PTPRD: variants seen among roughly 807,000 people sequenced by gnomAD.
PTPRD encodes the protein receptor-type tyrosine-protein phosphatase delta.
PTPRD carries 34 observed loss-of-function variants against 214.5 expected under a neutral mutation model. That is an observed-to-expected ratio of 0.16 (90% CI 0.12 to 0.21). PTPRD has a LOEUF of 0.21. Ranked by LOEUF, PTPRD falls within the 10% of genes least tolerant of loss-of-function variation. The pLI is 1.00. For synonymous variants in PTPRD, 1,128 were observed against 845.7 expected, an observed-to-expected ratio of 1.33 and a Z score of -5.79; for missense variants, 2,545 against 2,398.7, an observed-to-expected ratio of 1.06 and a Z score of -1.27.
At chr9:9,605,724 C>A (rs904705736) in intron 7 of PTPRD, among the ~76,000 whole-genome samples, 1 of 152,030 alleles carries the variant, frequency 6.6e-6, no homozygotes, top group Non-Finnish European at 1.5e-5. Context: ...AGGGCAACAA[C>A]TAGATTTGAA....
intron 9 of PTPRD, among the ~76,000 whole-genome samples, chr9:9,246,682 A>C (rs2099973195): frequency 6.6e-6 from 1 of 152,028 alleles, no homozygotes; most frequent in Non-Finnish European, 1.5e-5. Flanking sequence ...CTTTGGAGTA[A>C]GCCCACCGGC....
At chr9:9,684,265 C>T (rs1341224331) in intron 7 of PTPRD, among the ~76,000 whole-genome samples, 1 of 151,650 alleles carries the variant, frequency 6.6e-6, no homozygotes, top group East Asian at 1.9e-4. Flanking sequence ...GTAATCTAAC[C>T]TTATTCAACA....
chr9:9,072,261 G>A (rs537695687), intron 10 of PTPRD, among the ~76,000 whole-genome samples: 7 of 139,394 alleles, frequency 5.0e-5, no homozygotes, highest in Non-Finnish European at 7.8e-5. Context: ...TCTTTCTCAC[G>A]AACAAAGAGC....
intron 39 of PTPRD, among the ~76,000 whole-genome samples, chr9:8,343,856 G>C (rs34398376): frequency 6.6e-6 from 1 of 151,990 alleles, no homozygotes; most frequent in South Asian, 2.1e-4. Context: ...TGAGCAGCCC[G>C]TCCCGGTAAG....
intron 3 of PTPRD, among the ~76,000 whole-genome samples, chr9:10,056,467 A>G (rs1016109945): frequency 6.6e-6 from 1 of 152,090 alleles, no homozygotes; most frequent in Non-Finnish European, 1.5e-5. Flanking sequence ...TATTGAATAA[A>G]GAAGTCAGTC....
intron 2 of PTPRD, among the ~76,000 whole-genome samples, chr9:10,531,096 C>A (rs1042020775): frequency 2.0e-5 from 3 of 151,784 alleles, no homozygotes; most frequent in African/African-American, 4.8e-5. Flanking sequence ...ATTGCAGGTG[C>A]AAGCCACCAC....
intron 4 of PTPRD, among the ~76,000 whole-genome samples, chr9:9,942,962 T>A (rs539976426): frequency 2.0e-5 from 3 of 148,994 alleles, no homozygotes; most frequent in Non-Finnish European, 3.0e-5. Context: ...AAACTGAAAA[T>A]CACAAAGCGG....
chr9:9,862,424 A>T (rs1252678527), intron 5 of PTPRD, among the ~76,000 whole-genome samples: 1 of 152,262 alleles, frequency 6.6e-6, no homozygotes, highest in Non-Finnish European at 1.5e-5. Context: ...AAGTGTCAGT[A>T]GTTCTTCAAG....
intron 42 of PTPRD, 107 bp from the exon 43 acceptor site, chr9:8,339,154 A>T: frequency 8.1e-7 from 1 of 1,230,002 alleles, no homozygotes; most frequent in Non-Finnish European, 1.1e-6. Flanking sequence ...CCATTAATAA[A>T]ATTTCAAAAT....
chr9:9,791,082 C>G (rs894794501), intron 5 of PTPRD, among the ~76,000 whole-genome samples: 4 of 152,028 alleles, frequency 2.6e-5, no homozygotes, highest in African/African-American at 9.7e-5. Flanking sequence ...AATTTCTACT[C>G]TAGTAAAATT....
intron 33 of PTPRD, among the ~76,000 whole-genome samples, chr9:8,450,381 T>G (rs10977113): frequency 0.48 from 72,505 of 151,962 alleles, 19,876 homozygotes; most frequent in East Asian, 0.75. Flanking sequence ...GTTATCCTAA[T>G]GCCTAGGATA....
chr9:9,018,516 T>A (rs2099545820), intron 11 of PTPRD, among the ~76,000 whole-genome samples, 181 bp downstream of exon 11: 1 of 152,224 alleles, frequency 6.6e-6, no homozygotes, highest in Admixed American at 6.5e-5. Flanking sequence ...AATTTATGTA[T>A]ATTTTTTAAG....
At chr9:10,093,224 A>T (rs1188176655) in intron 3 of PTPRD, among the ~76,000 whole-genome samples, 1 of 151,680 alleles carries the variant, frequency 6.6e-6, no homozygotes, top group Non-Finnish European at 1.5e-5. Context: ...AAAATCTGGA[A>T]TCTACAAGAA....
chr9:9,158,841 A>G (rs2099883666), intron 10 of PTPRD, among the ~76,000 whole-genome samples: 1 of 152,192 alleles, frequency 6.6e-6, no homozygotes, highest in Non-Finnish European at 1.5e-5. Flanking sequence ...TCAACAACAC[A>G]TTAAAATAAT....
intron 10 of PTPRD, among the ~76,000 whole-genome samples, chr9:9,046,742 G>A (rs1779282070): frequency 6.6e-6 from 1 of 152,090 alleles, no homozygotes. Flanking sequence ...AGCAACCATA[G>A]GCAATACATA....
intron 3 of PTPRD, among the ~76,000 whole-genome samples, chr9:10,096,717 T>C (rs1203005480): frequency 6.6e-6 from 1 of 152,094 alleles, no homozygotes; most frequent in Non-Finnish European, 1.5e-5. Context: ...GTAGTTTCTT[T>C]TGCTGTGCAG....
At chr9:9,338,072 T>TA (rs1474231997) in intron 9 of PTPRD, among the ~76,000 whole-genome samples, 1 of 152,274 alleles carries the variant, frequency 6.6e-6, no homozygotes, top group East Asian at 1.9e-4. Context: ...TCCATTCAAA[T>TA]AAAAAATTAC....
At chr9:9,401,675 C>A (rs748446258) in intron 8 of PTPRD, among the ~76,000 whole-genome samples, 1 of 151,746 alleles carries the variant, frequency 6.6e-6, no homozygotes, top group African/African-American at 2.4e-5. Flanking sequence ...ACGTACCCAC[C>A]GGAATCGCAT....
intron 35 of PTPRD, among the ~76,000 whole-genome samples, chr9:8,435,084 G>T (rs2095287107): frequency 6.6e-6 from 1 of 152,228 alleles, no homozygotes; most frequent in Non-Finnish European, 1.5e-5. Context: ...TATCAAATAT[G>T]TGACAAAGAT....
Sources: allele counts gnomAD v4.1 joint callset (sites outside exome capture counted in the v4.1 genomes callset), GRCh38; gene constraint gnomAD v4.1.1; transcripts MANE v1.5; gene names NCBI Gene and HGNC (gene_info 2026-07-23, HGNC 2026-07-21).